The following TNRC18 variants were observed in gnomAD, a reference collection of about 807,000 sequenced individuals.
The protein encoded by TNRC18 is trinucleotide repeat containing 18, also known as trinucleotide repeat-containing gene 18 protein.
A neutral mutation model predicts 226.7 loss-of-function variants in TNRC18; 69 were observed. The observed-to-expected ratio is 0.30, with a 90% CI of 0.25 to 0.37. The LOEUF (loss-of-function observed/expected upper bound fraction) is 0.37. Among genes scored for constraint, TNRC18 ranks in the 10% least tolerant of loss-of-function variants. TNRC18 has a pLI of 1.00. For synonymous variants in TNRC18, 2,449 were observed against 1,927.6 expected (o/e 1.27, Z -7.09); for missense variants, 4,754 against 4,256.6 (o/e 1.12, Z -3.25).
Position 5,309,461 on chromosome 7 carries a change from C to A in TNRC18, c.8389-93G>T. 8.5e-7 allele frequency: 1 copy of A among 1,172,550 alleles called. No homozygotes were observed. The highest frequency in any genetic ancestry group is 1.2e-6 in the Non-Finnish European group (1 of 834,842). The allele number at this position is 1,172,550 out of a possible 1,614,324, so 72.6% of individuals were successfully genotyped here. A position where few individuals can be genotyped will look rare whatever the true frequency, so the allele number is the denominator to read the frequency against. On this transcript the variant is annotated intron_variant, in intron 27 of 29. Transcript: ENST00000430969. This position sits in a 1 kb window ranked among gnomAD's most constrained non-coding sequence, Gnocchi z 5.7. ...TCTGCCGCTTGGGACTCTGGGCCCT[C>A]GGCCTCTAAATCAACCCCTATCCAA...
chr7:5,340,254 G>C (rs1365673769), intron 18 of TNRC18, among the ~76,000 whole-genome samples: 1 of 152,216 alleles, frequency 6.6e-6, no homozygotes, highest in African/African-American at 2.4e-5. Context: ...CAGGTTCATT[G>C]CTGACATAGA....
intron 10 of TNRC18, among the ~76,000 whole-genome samples, chr7:5,372,482 CA>C (rs1219932518): frequency 6.6e-6 from 1 of 151,760 alleles, no homozygotes; most frequent in African/African-American, 2.4e-5. Context: ...CTCAGCCTCC[CA>C]AAGTGCTGGG....
intron 19 of TNRC18, among the ~76,000 whole-genome samples, chr7:5,326,499 C>A (rs1381770937): frequency 6.6e-6 from 1 of 152,120 alleles, no homozygotes; most frequent in East Asian, 1.9e-4. Flanking sequence ...GGCTGGAGTG[C>A]CATGGCACAA....
chr7:5,314,636 G>A (rs1234871280), intron 26 of TNRC18, among the ~76,000 whole-genome samples: 2 of 143,552 alleles, frequency 1.4e-5, no homozygotes, highest in Non-Finnish European at 3.0e-5. Flanking sequence ...GTAATGGTGC[G>A]ATCTTGGCTC....
chr7:5,361,825 C>A, intron 13 of TNRC18, 72 bp downstream of exon 13: 1 of 1,511,504 alleles, frequency 6.6e-7, no homozygotes, highest in Non-Finnish European at 8.8e-7. Flanking sequence ...CACACCTCGA[C>A]GGCTGCTGCG....
intron 2 of TNRC18, chr7:5,420,697 G>A (rs765755975): frequency 1.9e-6 from 1 of 519,884 alleles, no homozygotes; most frequent in South Asian, 1.5e-5. Flanking sequence ...GGGAGCGGGT[G>A]TCTCGCGGGG....
At chr7:5,411,732 G>A (rs1177974781) in intron 2 of TNRC18, among the ~76,000 whole-genome samples, 2 of 152,092 alleles carry the variant, frequency 1.3e-5, no homozygotes, top group Non-Finnish European at 2.9e-5. Flanking sequence ...ACACAGGAGA[G>A]AGGCAAAGGG....
At chr7:5,375,919 C>T (rs1001867544) in intron 9 of TNRC18, 115 bp downstream of exon 9, 26 of 1,061,068 alleles carry the variant, frequency 2.5e-5, no homozygotes, top group South Asian at 2.3e-4. Flanking sequence ...ACCACCTGCC[C>T]CTCTGCTGTT....
In TNRC18 at chr7:5,419,310, G is replaced by A. The variant is rs373498959; in HGVS notation, c.187+1750C>T. Among the ~76,000 whole-genome samples, 4 of 152,240 alleles carry A rather than the reference G, an allele frequency of 2.6e-5. No homozygotes were observed. In the East Asian group the frequency reaches 5.8e-4, roughly 22 times the overall value. On this transcript the variant is annotated intron_variant, in intron 2 of 29. Transcript: ENST00000430969. ...TGCCTTGCCAGGCCGGAGCCAGATC[G>A]CAGGCGGGGAGTGCGCGACGCCCCT... is the stretch of plus-strand genomic sequence containing the variant.
At chr7:5,390,979 T>C (rs1780254746) in intron 3 of TNRC18, among the ~76,000 whole-genome samples, 1 of 152,192 alleles carries the variant, frequency 6.6e-6, no homozygotes, top group Non-Finnish European at 1.5e-5. Flanking sequence ...AGAGACTTAA[T>C]GTCCTCACTT....
intron 2 of TNRC18, among the ~76,000 whole-genome samples, chr7:5,413,675 C>T (rs918682263): frequency 6.6e-6 from 1 of 152,032 alleles, no homozygotes; most frequent in African/African-American, 2.4e-5. Context: ...GATTTACAGG[C>T]ATTCGCCACC....
At position 5,402,141 on chromosome 7, in the gene TNRC18, T is replaced by C. The variant is rs556385910; in HGVS notation, c.188-7546A>G. 5.8e-4 allele frequency among the ~76,000 whole-genome samples: 80 copies of C among 137,134 alleles called. 1 individual carries two copies. The highest frequency in any genetic ancestry group is 2.3e-3 in the African/African-American group (80 of 35,136). 90.0% of individuals were successfully genotyped at this position (137,134 alleles called of 152,430 possible). A position where few individuals can be genotyped will look rare whatever the true frequency, so the allele number is the denominator to read the frequency against. ...ATGCCGTGAGCTGAGATCATGCCACTGTACTCCAGCCTGGGCAACACAGCG... is the reference window on the plus strand; with the variant it reads ...ATGCCGTGAGCTGAGATCATGCCACCGTACTCCAGCCTGGGCAACACAGCG... On this transcript the variant is annotated intron_variant, in intron 2 of 29. Transcript: ENST00000430969.
At chr7:5,310,948 T>TCG (rs1787123115) in intron 27 of TNRC18, among the ~76,000 whole-genome samples, 1 of 151,670 alleles carries the variant, frequency 6.6e-6, no homozygotes, top group African/African-American at 2.4e-5. Context: ...GTGCACGTGT[T>TCG]TGTGTGTGTG....
At chr7:5,389,461 G>GTTTTTTTGTTTTTTTTTTTTTTT (rs1554297477) in intron 4 of TNRC18, 125 bp from the exon 5 acceptor site, 14 of 565,546 alleles carry the variant, frequency 2.5e-5, no homozygotes, top group African/African-American at 2.5e-4. Context: ...TTTGGTTTTG[G>GTTTTTTTGTTTTTTTTTTTTTTT]TTTTTTTTTT....
At chr7:5,375,960 T>A in intron 9 of TNRC18, 74 bp downstream of exon 9, 2 of 1,410,084 alleles carry the variant, frequency 1.4e-6, no homozygotes, top group Non-Finnish European at 1.9e-6. Context: ...CTGGAGATTC[T>A]GCTGGCTGAC....
chr7:5,346,834 C>G (rs7798539), intron 17 of TNRC18, among the ~76,000 whole-genome samples: 89,763 of 152,008 alleles, frequency 0.59, 26,494 homozygotes, highest in East Asian at 0.72. Context: ...AGGAGAAAGC[C>G]ATTTGCAAGC....
chr7:5,369,130 T>C (rs575296344), intron 11 of TNRC18, among the ~76,000 whole-genome samples: 3 of 152,198 alleles, frequency 2.0e-5, no homozygotes, highest in African/African-American at 7.2e-5. Context: ...GGCGGGTCAC[T>C]TGAGGTCGGG....
At chr7:5,420,764 C>T (rs780763001) in intron 2 of TNRC18, 2 of 638,532 alleles carry the variant, frequency 3.1e-6, no homozygotes, top group Admixed American at 2.1e-5. Context: ...AGCCCAGGCT[C>T]GTGCCGCCGG....
At chr7:5,362,391 T>C (rs1172504820) in intron 12 of TNRC18, among the ~76,000 whole-genome samples, 4 of 152,030 alleles carry the variant, frequency 2.6e-5, no homozygotes, top group South Asian at 2.1e-4. Context: ...CATGTGACCC[T>C]GGGCTACTCT....
Sources: gnomAD v4.1 joint callset for allele counts (sites outside exome capture counted in the v4.1 genomes callset) on GRCh38, gnomAD v4.1.1 for gene constraint, Gnocchi (gnomAD v3.1) non-coding constraint, MANE v1.5 for transcripts, NCBI Gene and HGNC (gene_info 2026-07-23, HGNC 2026-07-21) for gene names.